IQGAP2: variants seen among roughly 807,000 people sequenced by gnomAD.
The protein encoded by IQGAP2 is IQ motif containing GTPase activating protein 2.
A neutral mutation model predicts 201.3 loss-of-function variants in IQGAP2; 173 were observed. That is an observed-to-expected ratio of 0.86 (90% CI 0.76 to 0.98). The LOEUF is 0.98. IQGAP2 is among the 50% of genes least tolerant of loss of function. The pLI, the probability that IQGAP2 is intolerant of heterozygous loss-of-function variation, is 0.00. For synonymous variants in IQGAP2, 675 were observed against 673.9 expected (o/e 1.00, Z -0.03); for missense variants, 1,687 against 1,864.8 (o/e 0.90, Z 1.76).
At position 76,450,037 on chromosome 5, in the gene IQGAP2, C is replaced by G. The variant is rs369459955; in HGVS notation, c.47-11533C>G. ...TGTATGTTTATAAGAACATCCTTTT[C>G]TAAACTTGGGACCATTTACTTTCTG... On this transcript the variant is annotated intron_variant, in intron 1 of 35. Coordinates refer to ENST00000274364, the MANE Select transcript of IQGAP2 (RefSeq NM_006633.5). 8.6e-4 allele frequency among the ~76,000 whole-genome samples: 131 copies of G among 152,306 alleles called. 1 individual carries two copies. Among genetic ancestry groups the G allele is most frequent in the African/African-American group, 1.0e-3 (43 of 41,566 alleles).
chr5:76,488,383 T>A (rs938890878), intron 2 of IQGAP2, among the ~76,000 whole-genome samples: 1 of 152,188 alleles, frequency 6.6e-6, no homozygotes, highest in Admixed American at 6.5e-5. Context: ...TTTAAAAAAA[T>A]TATTGGTTGT....
chr5:76,474,844 C>T (rs796787995), intron 2 of IQGAP2, among the ~76,000 whole-genome samples: 7 of 152,272 alleles, frequency 4.6e-5, no homozygotes, highest in African/African-American at 1.4e-4. Flanking sequence ...TCCCAAGTAG[C>T]TGGAATCACA....
intron 2 of IQGAP2, among the ~76,000 whole-genome samples, chr5:76,544,690 A>G (rs72775801): frequency 0.17 from 25,780 of 151,914 alleles, 2,399 homozygotes; most frequent in Admixed American, 0.28. Flanking sequence ...AAGTGCTTTA[A>G]TTTTTTTTGG....
chr5:76,455,143 G>A (rs1754000396), intron 1 of IQGAP2, among the ~76,000 whole-genome samples: 1 of 151,980 alleles, frequency 6.6e-6, no homozygotes, highest in Non-Finnish European at 1.5e-5. Flanking sequence ...TGGAGACCCA[G>A]GCTTGGTTTA....
chr5:76,593,206 G>A (rs1051532408), intron 9 of IQGAP2, among the ~76,000 whole-genome samples: 4 of 152,092 alleles, frequency 2.6e-5, no homozygotes, highest in Non-Finnish European at 5.9e-5. Flanking sequence ...CACTTTTGGG[G>A]CTAATACTGA....
rs186824445 is a variant in IQGAP2, at chr5:76,551,213, G to A, written c.147-11183G>A. On this transcript the variant is annotated intron_variant, in intron 2 of 35. Coordinates refer to ENST00000274364, the MANE Select transcript of IQGAP2 (RefSeq NM_006633.5). Reference sequence around the variant, plus strand: ...CGCTCCTCACCTCCCAGACGGGGTCGGGGCCGGGCAGAGGCAATCCTCACA... The same window carrying A: ...CGCTCCTCACCTCCCAGACGGGGTCAGGGCCGGGCAGAGGCAATCCTCACA... Among the ~76,000 whole-genome samples, 1,193 of 150,776 alleles carry A rather than the reference G, an allele frequency of 7.9e-3. 8 individuals are homozygous for A. Among genetic ancestry groups the A allele is most frequent in the Non-Finnish European group, 0.013 (876 of 67,622 alleles).
chr5:76,503,106 A>T (rs971500611), intron 2 of IQGAP2, among the ~76,000 whole-genome samples: 3 of 151,120 alleles, frequency 2.0e-5, no homozygotes, highest in African/African-American at 7.3e-5. Flanking sequence ...TAAAGCTCAG[A>T]TTGACTTTTT....
intron 6 of IQGAP2, among the ~76,000 whole-genome samples, chr5:76,589,236 T>C (rs370675224): frequency 2.0e-5 from 3 of 146,660 alleles, no homozygotes; most frequent in African/African-American, 7.7e-5. Flanking sequence ...GGCGTGAACC[T>C]GGGAGGCGGA....
chr5:76,625,167 T>C (rs1580653735), intron 13 of IQGAP2, among the ~76,000 whole-genome samples: 1 of 152,376 alleles, frequency 6.6e-6, no homozygotes, highest in African/African-American at 2.4e-5. Context: ...ATTTAAACCG[T>C]TGACTTAAAT....
chr5:76,629,337 C>A (rs934040723), intron 14 of IQGAP2, among the ~76,000 whole-genome samples: 1 of 152,154 alleles, frequency 6.6e-6, no homozygotes, highest in Non-Finnish European at 1.5e-5. Flanking sequence ...TCTGGTCACA[C>A]ACTATAAGCA....
chr5:76,515,886 T>G (rs1758285533), intron 2 of IQGAP2, among the ~76,000 whole-genome samples: 1 of 147,300 alleles, frequency 6.8e-6, no homozygotes. Flanking sequence ...TTTTTTTTTT[T>G]TTTTTTTTTG....
intron 3 of IQGAP2, among the ~76,000 whole-genome samples, chr5:76,568,956 G>A (rs1744926590): frequency 1.3e-5 from 2 of 152,196 alleles, no homozygotes; most frequent in South Asian, 2.1e-4. Context: ...GTTCTTCCAT[G>A]GTCACAGAGT....
At position 76,609,271 on chromosome 5, in the gene IQGAP2, G is replaced by A. The variant is rs549973941; in HGVS notation, c.1358-1749G>A. On this transcript the variant is annotated intron_variant, in intron 12 of 35. Transcript: ENST00000274364. Reference sequence around the variant, plus strand: ...TACCCAAGGGGGGTGACCAGAGAATGGCACTAAATATTCCATGCACTCCAG... The same window carrying A: ...TACCCAAGGGGGGTGACCAGAGAATAGCACTAAATATTCCATGCACTCCAG... 1.4e-5 allele frequency: 22 copies of A among 1,530,382 alleles called. No individual in the cohort carries two copies. In the East Asian group the frequency reaches 5.1e-4, roughly 36 times the overall value. 94.8% of individuals were successfully genotyped at this position (1,530,382 alleles called of 1,614,324 possible). A position where few individuals can be genotyped will look rare whatever the true frequency, so the allele number is the denominator to read the frequency against.
chr5:76,528,594 C>G (rs1333183890), intron 2 of IQGAP2, among the ~76,000 whole-genome samples: 2 of 152,138 alleles, frequency 1.3e-5, no homozygotes, highest in Non-Finnish European at 2.9e-5. Context: ...AAACCAAGCT[C>G]AAGGGAGTGA....
intron 1 of IQGAP2, among the ~76,000 whole-genome samples, chr5:76,447,178 C>T (rs1326668705): frequency 2.0e-5 from 3 of 152,150 alleles, no homozygotes; most frequent in Non-Finnish European, 4.4e-5. Context: ...AGCTGGATTT[C>T]CTAGGCCAAC....
intron 1 of IQGAP2, among the ~76,000 whole-genome samples, chr5:76,406,605 T>C (rs887246369): frequency 6.6e-6 from 1 of 152,272 alleles, no homozygotes; most frequent in Non-Finnish European, 1.5e-5. Context: ...GTTGTTGTAA[T>C]GGATTATGAT....
intron 30 of IQGAP2, 132 bp from the exon 31 acceptor site, chr5:76,693,223 G>T (rs189263980): frequency 4.2e-5 from 25 of 592,220 alleles, no homozygotes; most frequent in African/African-American, 4.1e-4. Flanking sequence ...ATATCCGCAA[G>T]AATGTTTTAT....
In IQGAP2 at chr5:76,444,221, ATTT is replaced by A. The variant is rs1272776171; in HGVS notation, c.47-17348_47-17346del. Among the ~76,000 whole-genome samples the A allele has an allele frequency of 2.0e-5, 3 of 152,224 alleles. 1 individual carries two copies. In the South Asian group the frequency reaches 6.2e-4, roughly 32 times the overall value. On this transcript the variant is annotated intron_variant, in intron 1 of 35. Transcript: ENST00000274364. ...GGCAACATAGTGAGACCCTGTCTCT[ATTT>A]AAAATAAAGGAAATTAAAATAATAG... is the stretch of plus-strand genomic sequence containing the variant.
chr5:76,555,563 G>C (rs1053897546), intron 2 of IQGAP2, among the ~76,000 whole-genome samples: 1 of 152,126 alleles, frequency 6.6e-6, no homozygotes, highest in Non-Finnish European at 1.5e-5. Context: ...GTGTGGCCAG[G>C]TACCACTCAC....
Sources: allele counts gnomAD v4.1 joint callset (sites outside exome capture counted in the v4.1 genomes callset), GRCh38; gene constraint gnomAD v4.1.1; transcripts MANE v1.5; gene names NCBI Gene and HGNC (gene_info 2026-07-23, HGNC 2026-07-21).